TASOR2: variants seen among roughly 807,000 people sequenced by gnomAD.
TASOR2 encodes the protein protein TASOR 2.
A neutral mutation model predicts 199.5 loss-of-function variants in TASOR2; 84 were observed. That is an observed-to-expected ratio of 0.42 (90% CI 0.35 to 0.50). The LOEUF (loss-of-function observed/expected upper bound fraction) is 0.50, where lower values mean the gene tolerates loss of function less well. Ranked by LOEUF, TASOR2 falls within the 20% of genes least tolerant of loss-of-function variation. TASOR2 has a pLI of 0.02. For missense variants in TASOR2, 2,796 were observed against 2,835.9 expected (o/e 0.99, Z 0.32); for synonymous variants, 1,103 against 1,046.6 (o/e 1.05, Z -1.04).
rs933499626 is a variant in TASOR2 at position 5,710,947 on chromosome 10, T to G, written c.-287-1876T>G. 6.6e-6 allele frequency among the ~76,000 whole-genome samples: 1 copy of G among 152,104 alleles called. No homozygotes were observed. The highest frequency in any genetic ancestry group is 1.5e-5 in the Non-Finnish European group (1 of 67,944). Reference sequence around the variant, plus strand: ...CTCAGGTTTGCCAGTTTGTTTTGAGTAATGCAGCTAATAAAGCTTTAATTT... The same window carrying G: ...CTCAGGTTTGCCAGTTTGTTTTGAGGAATGCAGCTAATAAAGCTTTAATTT... On this transcript the variant is annotated intron_variant, in intron 1 of 20. Transcript: ENST00000328090. This position sits in a 1 kb window ranked among gnomAD's most constrained non-coding sequence, Gnocchi z 4.6.
At chr10:5,761,561 T>C in intron 19 of TASOR2, 90 bp downstream of exon 20, 1 of 1,155,168 alleles carries the variant, frequency 8.7e-7, no homozygotes, top group Non-Finnish European at 1.2e-6. Flanking sequence ...GAGTATCAGG[T>C]ATCTAAATGG....
intron 8 of TASOR2, among the ~76,000 whole-genome samples, chr10:5,724,845 A>G (rs150212724): frequency 0.014 from 2,116 of 151,914 alleles, 50 homozygotes; most frequent in African/African-American, 0.049. Context: ...GTTTTTTTCT[A>G]TACATGCATA....
Position 5,740,587 on chromosome 10 carries a change from A to C in TASOR2, c.2327+90A>C. On this transcript the variant is annotated intron_variant, in intron 13 of 20. Transcript: ENST00000328090. This position sits in a 1 kb window ranked among gnomAD's most constrained non-coding sequence, Gnocchi z 5.3. ...TGGGGAAACTTATGCCAAACTCTGG[A>C]GAAGGAGAAAGAAGTGTTGTGTTTA... 1 of 1,293,038 alleles carries C rather than the reference A, an allele frequency of 7.7e-7. No homozygotes were observed. Among genetic ancestry groups the C allele is most frequent in the Admixed American group, 2.1e-5 (1 of 46,750 alleles). 80.1% of individuals were successfully genotyped at this position (1,293,038 alleles called of 1,614,324 possible).
exon 15 of TASOR2, chr10:5,749,399 G>C (rs368586316): frequency 6.2e-7 from 1 of 1,614,184 alleles, no homozygotes; most frequent in African/African-American, 1.3e-5. Flanking sequence ...ATAAAGAATG[G>C]GGATTCTCAG....
rs200240206 is a variant in TASOR2 at position 5,720,777 on chromosome 10, A to G, written c.46+3A>G. 6,355 of 1,611,520 alleles carry G rather than the reference A, an allele frequency of 3.9e-3. 42 individuals are homozygous for G. Among genetic ancestry groups the G allele is most frequent in the South Asian group, 0.012 (1,080 of 90,330 alleles). ...TAGACTTGAACGCAGTGAAAATGGT[A>G]AGAAATAGTTCATTGATTCTTTTAG... On this transcript the variant is annotated splice_donor_region_variant and intron_variant, in intron 5 of 20. Transcript: ENST00000328090. The surrounding 1 kb of genome is among the most constrained non-coding windows in gnomAD (Gnocchi z 5.3).
chr10:5,695,938 G>T (rs1006999168), intron 1 of TASOR2, among the ~76,000 whole-genome samples: 1 of 152,044 alleles, frequency 6.6e-6, no homozygotes, highest in Non-Finnish European at 1.5e-5. Context: ...TTGGTTGATG[G>T]TCTTTATCAT....
At position 5,737,705 on chromosome 10, in the gene TASOR2, C is replaced by T. The variant is rs1359924939; in HGVS notation, c.1448-1913C>T. Among the ~76,000 whole-genome samples, 2 of 152,094 alleles carry T rather than the reference C, an allele frequency of 1.3e-5. No individual in the cohort carries two copies. Among genetic ancestry groups the T allele is most frequent in the Non-Finnish European group, 2.9e-5 (2 of 68,018 alleles). ...TCAATTCATCTGACATGTCTTGGTC[C>T]AATCTTTCCAATTTGTAAACATGAG... On this transcript the variant is annotated intron_variant, in intron 12 of 20. Coordinates refer to ENST00000328090, the Ensembl canonical transcript of TASOR2. The surrounding 1 kb of genome is among the most constrained non-coding windows in gnomAD (Gnocchi z 4.9).
intron 6 of TASOR2, among the ~76,000 whole-genome samples, chr10:5,723,137 C>T (rs1403850885): frequency 6.9e-6 from 1 of 145,322 alleles, no homozygotes; most frequent in Non-Finnish European, 1.5e-5. Flanking sequence ...CTGCAAGCTC[C>T]ACCTCCTGGG....
intron 15 of TASOR2, among the ~76,000 whole-genome samples, chr10:5,753,089 G>A (rs964053395): frequency 6.6e-6 from 1 of 152,084 alleles, no homozygotes; most frequent in Non-Finnish European, 1.5e-5. Flanking sequence ...GTGATTTGTT[G>A]TAAAAGATCC....
rs540280654 is a variant in TASOR2 at position 5,737,300 on chromosome 10, T to C, written c.1447+1754T>C. ...TTTTTTAGTTTTTTTGTTTTTTTTT[T>C]CAACTTAAGCATACCCTGAGATTCT... On this transcript the variant is annotated intron_variant, in intron 12 of 20. Transcript: ENST00000328090. This position sits in a 1 kb window ranked among gnomAD's most constrained non-coding sequence, Gnocchi z 4.9. Among the ~76,000 whole-genome samples the C allele has an allele frequency of 4.5e-4, 68 of 152,176 alleles. No individual in the cohort carries two copies. The highest frequency in any genetic ancestry group is 1.6e-3 in the African/African-American group (67 of 41,530).
At position 5,756,596 on chromosome 10, in the gene TASOR2, A is replaced by G; in HGVS notation, c.6607-17A>G. The stretch of plus-strand genomic sequence containing the variant: ...AAGTACCCTTTTTTTAATAATGGCT[A>G]TTTGTAAATCTTTCAGAACCTTCTG... On this transcript the variant is annotated splice_polypyrimidine_tract_variant and intron_variant, in intron 15 of 20. Coordinates refer to ENST00000328090, the Ensembl canonical transcript of TASOR2. 6.2e-7 allele frequency: 1 copy of G among 1,610,604 alleles called. No homozygotes were observed. Among genetic ancestry groups the G allele is most frequent in the Non-Finnish European group, 8.5e-7 (1 of 1,179,038 alleles).
At chr10:5,691,413 A>G (rs1245034662) in intron 1 of TASOR2, among the ~76,000 whole-genome samples, 1 of 152,188 alleles carries the variant, frequency 6.6e-6, no homozygotes, top group Non-Finnish European at 1.5e-5. Context: ...CCACAGCTAA[A>G]TGAAAAAGTC....
exon 15 of TASOR2, chr10:5,749,455 C>G: frequency 6.2e-7 from 1 of 1,614,148 alleles, no homozygotes; most frequent in Non-Finnish European, 8.5e-7. Flanking sequence ...GTCACCAACC[C>G]AGATCTCCAT....
At chr10:5,733,639 A>G (rs1835155053) in intron 11 of TASOR2, among the ~76,000 whole-genome samples, 1 of 152,106 alleles carries the variant, frequency 6.6e-6, no homozygotes, top group African/African-American at 2.4e-5. Flanking sequence ...ACTTTGTTTC[A>G]TTTTTCTTTT....
At position 5,749,315 on chromosome 10, in the gene TASOR2, A is replaced by G; in HGVS notation, c.5894A>G (p.Gln1965Arg). The G allele has an allele frequency of 1.9e-6, 3 of 1,614,102 alleles. No homozygotes were observed. The East Asian group carries it at 6.7e-5, about 36-fold the overall frequency. The change falls in exon 15 of 21, where the codon CAG (glutamine) becomes CGG (arginine). Residue 1965 changes from glutamine to arginine, a missense_variant. Gln to Arg is a conservative substitution (Grantham distance 43). This residue lies in a region of TASOR2 where 1,941 missense variants were observed against 1,924.9 expected (regional missense o/e 1.01). Transcript: ENST00000328090. ...CCCAGCTCCTGGACAAGCACTTGGC[A>G]GGTGGCAGACGACCTCACCCAGAAC...
chr10:5,703,101 C>T (rs186173975), intron 1 of TASOR2, among the ~76,000 whole-genome samples: 40 of 152,186 alleles, frequency 2.6e-4, no homozygotes, highest in African/African-American at 8.7e-4. Flanking sequence ...CTTGAGGAAA[C>T]ATCTAGAAGA....
At chr10:5,723,043 CTTTTT>C (rs1183983010) in intron 6 of TASOR2, among the ~76,000 whole-genome samples, 5 of 72,910 alleles carry the variant, frequency 6.9e-5, no homozygotes, top group African/African-American at 2.8e-4. Flanking sequence ...CAGGAAATAA[CTTTTT>C]TTTTTTTTTT....
At position 5,687,024 on chromosome 10, in the gene TASOR2, G is replaced by C. The variant is rs1304915459; in HGVS notation, c.-288+1849G>C. Among the ~76,000 whole-genome samples, 2 of 152,218 alleles carry C rather than the reference G, an allele frequency of 1.3e-5. No individual in the cohort carries two copies. The highest frequency in any genetic ancestry group is 4.1e-4 in the South Asian group (2 of 4,820). ...TGGTGTTGAATATATAATCTGAGAA[G>C]AGACATTTATTTGAGTTTTTCCTTC... is the stretch of plus-strand genomic sequence containing the variant. On this transcript the variant is annotated intron_variant, in intron 1 of 20. Transcript: ENST00000328090. The surrounding 1 kb of genome is among the most constrained non-coding windows in gnomAD (Gnocchi z 4.8).
At chr10:5,735,589 A>G in intron 12 of TASOR2, 43 bp downstream of exon 13, 1 of 1,584,178 alleles carries the variant, frequency 6.3e-7, no homozygotes, top group Non-Finnish European at 8.6e-7. Context: ...CCCAATACAG[A>G]TCTAACAGAG....
Sources: gnomAD v4.1 joint callset for allele counts (sites outside exome capture counted in the v4.1 genomes callset) on GRCh38, gnomAD v4.1.1 for gene constraint, gnomAD v4.1.1 regional missense constraint, Gnocchi (gnomAD v3.1) non-coding constraint, MANE v1.5 for transcripts, NCBI Gene and HGNC (gene_info 2026-07-23, HGNC 2026-07-21) for gene names.